PPARGC1A: variants seen among roughly 807,000 people sequenced by gnomAD.
PPARGC1A encodes PPARG coactivator 1 alpha, also known as peroxisome proliferator-activated receptor gamma coactivator 1-alpha.
PPARGC1A carries 25 observed loss-of-function variants against 88.7 expected under a neutral mutation model. That is an observed-to-expected ratio of 0.28 (90% CI 0.21 to 0.39). The LOEUF is 0.39. Among genes scored for constraint, PPARGC1A ranks in the 10% least tolerant of loss-of-function variants. PPARGC1A has a pLI of 1.00. For synonymous variants in PPARGC1A, 363 were observed against 355.6 expected (o/e 1.02, Z -0.24); for missense variants, 880 against 968.7 (o/e 0.91, Z 1.22).
At chr4:24,159,296 C>T in the PPARGC1A span, among the ~76,000 whole-genome samples, 4 of 148,652 alleles carry the variant, frequency 2.7e-5, no homozygotes, top group East Asian at 2.0e-4. Flanking sequence ...CTGCAACTTC[C>T]GCCTCCTGGG....
chr4:23,812,725 A>C (rs1369815405), intron 10 of PPARGC1A, 22 bp downstream of exon 10: 2 of 1,612,140 alleles, frequency 1.2e-6, no homozygotes, highest in Middle Eastern at 1.7e-4. Flanking sequence ...TTTAAAATAA[A>C]AGTGAGCTCC....
the PPARGC1A span, among the ~76,000 whole-genome samples, chr4:24,002,097 CAGAGAGAGAGAG>C: frequency 5.6e-5 from 7 of 125,324 alleles, no homozygotes; most frequent in Admixed American, 3.3e-4. Flanking sequence ...CACACACACA[CAGAGAGAGAGAG>C]AGAGAGAGAG....
chr4:23,862,941 C>T (rs1210273009), intron 2 of PPARGC1A, among the ~76,000 whole-genome samples: 2 of 152,168 alleles, frequency 1.3e-5, no homozygotes, highest in Non-Finnish European at 2.9e-5. Context: ...CAATAGCAGC[C>T]GCCCCACCTG....
the PPARGC1A span, among the ~76,000 whole-genome samples, chr4:23,974,793 C>T: frequency 6.0e-5 from 6 of 100,466 alleles, no homozygotes; most frequent in South Asian, 7.2e-4. Flanking sequence ...CCACCAGGCC[C>T]GGCTAATTTT....
the PPARGC1A span, among the ~76,000 whole-genome samples, chr4:24,289,556 A>T: frequency 6.6e-6 from 1 of 152,152 alleles, no homozygotes; most frequent in Non-Finnish European, 1.5e-5. Flanking sequence ...GTTAACTGTT[A>T]TTTTATTTCA....
chr4:24,035,190 ATAAAT>A, the PPARGC1A span, among the ~76,000 whole-genome samples: 20 of 152,326 alleles, frequency 1.3e-4, no homozygotes, highest in Non-Finnish European at 2.2e-4. Flanking sequence ...TTTATAGCCC[ATAAAT>A]TAAATTAAAT....
the PPARGC1A span, among the ~76,000 whole-genome samples, chr4:24,134,423 C>T: frequency 2.0e-5 from 3 of 152,202 alleles, no homozygotes; most frequent in East Asian, 1.9e-4. Flanking sequence ...TGCTTAAACG[C>T]TTCATTTTGA....
intron 2 of PPARGC1A, among the ~76,000 whole-genome samples, chr4:23,875,347 C>T (rs1188660664): frequency 6.6e-6 from 1 of 152,100 alleles, no homozygotes; most frequent in Non-Finnish European, 1.5e-5. Context: ...GCACAGAAGT[C>T]AGTGACTGGA....
chr4:24,436,609 G>A, the PPARGC1A span, among the ~76,000 whole-genome samples: 6 of 148,058 alleles, frequency 4.1e-5, no homozygotes, highest in Admixed American at 4.0e-4. Flanking sequence ...ACATCGATTG[G>A]CCACCCCAGA....
chr4:24,456,832 A>G, the PPARGC1A span, among the ~76,000 whole-genome samples: 2 of 152,110 alleles, frequency 1.3e-5, no homozygotes, highest in African/African-American at 2.4e-5. Context: ...AAGCAGAGAC[A>G]TTACAGAAGA....
At chr4:24,119,606 A>C in the PPARGC1A span, among the ~76,000 whole-genome samples, 1 of 152,190 alleles carries the variant, frequency 6.6e-6, no homozygotes, top group Non-Finnish European at 1.5e-5. Flanking sequence ...TACTAAACAC[A>C]CTTAGCACAA....
At chr4:23,807,603 A>G (rs1448469304) in intron 10 of PPARGC1A, among the ~76,000 whole-genome samples, 2 of 152,246 alleles carry the variant, frequency 1.3e-5, no homozygotes. Flanking sequence ...ATATATCAAA[A>G]AACTGTACAT....
chr4:24,385,393 A>T, the PPARGC1A span, among the ~76,000 whole-genome samples: 1 of 152,218 alleles, frequency 6.6e-6, no homozygotes, highest in Non-Finnish European at 1.5e-5. Context: ...AACTAAGATC[A>T]GAGCAAAACT....
chr4:24,281,704 T>C, the PPARGC1A span, among the ~76,000 whole-genome samples: 2 of 152,188 alleles, frequency 1.3e-5, no homozygotes, highest in Non-Finnish European at 2.9e-5. Flanking sequence ...CTTCCCCTAA[T>C]AAACCAGAAG....
chr4:23,857,652 C>A lies in PPARGC1A; in HGVS notation c.235-25901G>T, dbSNP rs373065415. Among the ~76,000 whole-genome samples, 8 of 151,780 alleles carry A rather than the reference C, an allele frequency of 5.3e-5. No homozygotes were observed. In the East Asian group the frequency reaches 1.6e-3, roughly 30 times the overall value. The stretch of plus-strand genomic sequence containing the variant: ...ACTGTCACTGGTTGTTTCTTGACTG[C>A]CCAGTAGATTTGTAAATGCACCACA... On this transcript the variant is annotated intron_variant, in intron 2 of 12. Transcript: ENST00000264867.
chr4:24,355,925 G>A, the PPARGC1A span, among the ~76,000 whole-genome samples: 2 of 152,110 alleles, frequency 1.3e-5, no homozygotes, highest in Non-Finnish European at 2.9e-5. Context: ...GGCGGGGCAC[G>A]ATGGCTCATG....
the PPARGC1A span, among the ~76,000 whole-genome samples, chr4:23,960,192 G>T: frequency 6.6e-6 from 1 of 151,882 alleles, no homozygotes; most frequent in Admixed American, 6.6e-5. Flanking sequence ...CTTTTGTGTC[G>T]GGAATGTCTC....
chr4:24,148,829 A>C, the PPARGC1A span, among the ~76,000 whole-genome samples: 1 of 152,244 alleles, frequency 6.6e-6, no homozygotes, highest in African/African-American at 2.4e-5. Flanking sequence ...GTCAAGGCAG[A>C]TGAAAAATAC....
At chr4:24,265,723 C>A in the PPARGC1A span, among the ~76,000 whole-genome samples, 2 of 151,900 alleles carry the variant, frequency 1.3e-5, no homozygotes, top group Non-Finnish European at 2.9e-5. Context: ...ATACTAGATA[C>A]ACTGGAAGTG....
Sources: gnomAD v4.1 joint callset for allele counts (sites outside exome capture counted in the v4.1 genomes callset) on GRCh38, gnomAD v4.1.1 for gene constraint, MANE v1.5 for transcripts, NCBI Gene and HGNC (gene_info 2026-07-23, HGNC 2026-07-21) for gene names.